Variants in GLS observed in about 807,000 individuals in gnomAD.
The protein encoded by GLS is glutaminase kidney isoform, mitochondrial.
In GLS, 36 loss-of-function variants were observed where a neutral mutation model predicts 86.7. The observed-to-expected ratio is 0.42, with a 90% CI of 0.32 to 0.55. The LOEUF is 0.55. GLS is among the 20% of genes least tolerant of loss of function. The pLI is 0.17. For missense variants in GLS, 528 were observed against 833.4 expected (o/e 0.63, Z 4.51); for synonymous variants, 317 against 305.9 (o/e 1.04, Z -0.38).
chr2:190,893,659 C>T (rs955513414), intron 1 of GLS, among the ~76,000 whole-genome samples: 1 of 152,158 alleles, frequency 6.6e-6, no homozygotes, highest in Non-Finnish European at 1.5e-5. Context: ...GATCTTGGCT[C>T]ACTGCAACCT....
At position 190,951,022 on chromosome 2, in the gene GLS, G is replaced by C. The variant is rs1050301994; in HGVS notation, c.1651-2543G>C. 1.3e-5 allele frequency among the ~76,000 whole-genome samples: 2 copies of C among 152,160 alleles called. No homozygotes were observed. The highest frequency in any genetic ancestry group is 4.8e-5 in the African/African-American group (2 of 41,414). ...GACTATCAAGTGGAGCTGTAGGACT[G>C]GAGCTTAGGAGAAAGATTTAGATTA... On this transcript the variant is annotated intron_variant, in intron 14 of 17. Coordinates refer to ENST00000320717, the MANE Select transcript of GLS (RefSeq NM_014905.5). This position sits in a 1 kb window ranked among gnomAD's most constrained non-coding sequence, Gnocchi z 4.2.
At chr2:190,941,362 A>G (rs1030870672) in intron 14 of GLS, among the ~76,000 whole-genome samples, 1 of 152,216 alleles carries the variant, frequency 6.6e-6, no homozygotes, top group Non-Finnish European at 1.5e-5. Flanking sequence ...ACTTTATGAG[A>G]CACAAATATG....
In GLS at chr2:190,954,461, A is replaced by T. The variant is rs957890937; in HGVS notation, c.1713-123A>T. 1.7e-5 allele frequency: 11 copies of T among 658,960 alleles called. No individual in the cohort carries two copies. Among genetic ancestry groups the T allele is most frequent in the Middle Eastern group, 6.2e-4 (2 of 3,230 alleles). 40.8% of individuals were successfully genotyped at this position (658,960 alleles called of 1,614,324 possible). A position where few individuals can be genotyped will look rare whatever the true frequency, so the allele number is the denominator to read the frequency against. On this transcript the variant is annotated intron_variant, in intron 15 of 17. Coordinates refer to ENST00000320717, the MANE Select transcript of GLS (RefSeq NM_014905.5). This position sits in a 1 kb window ranked among gnomAD's most constrained non-coding sequence, Gnocchi z 4.0. ...CTGGTTAATAAGGTCGGTAGTTCCC[A>T]TTAATGAGCTTGATGAAGGATGGCA...
chr2:190,894,370 A>AT, intron 1 of GLS, among the ~76,000 whole-genome samples: 1 of 152,052 alleles, frequency 6.6e-6, no homozygotes, highest in East Asian at 1.9e-4. Context: ...TTTTCTGAAT[A>AT]TTTTTTATCC....
intron 12 of GLS, among the ~76,000 whole-genome samples, chr2:190,929,723 G>A (rs1467133447): frequency 6.6e-6 from 1 of 152,030 alleles, no homozygotes; most frequent in Non-Finnish European, 1.5e-5. Flanking sequence ...GCCCACCTCG[G>A]CCTCCCAGAG....
At position 190,913,292 on chromosome 2, in the gene GLS, T is replaced by C; in HGVS notation, c.1038+2971T>C. ...AAGGAGAATTTGGACAGAAGGAGCCTGTTGCATAAATTCTTAACTACTAAG... is the reference window on the plus strand; with the variant it reads ...AAGGAGAATTTGGACAGAAGGAGCCCGTTGCATAAATTCTTAACTACTAAG... On this transcript the variant is annotated intron_variant, in intron 7 of 17. Transcript: ENST00000320717. The surrounding 1 kb of genome is among the most constrained non-coding windows in gnomAD (Gnocchi z 6.1). The C allele has an allele frequency of 7.8e-7, 1 of 1,282,698 alleles. No individual in the cohort carries two copies. 79.5% of individuals were successfully genotyped at this position (1,282,698 alleles called of 1,614,324 possible).
Position 190,954,642 on chromosome 2 carries a change from C to A in GLS, c.1771C>A (p.His591Asn). The A allele has an allele frequency of 6.2e-7, 1 of 1,611,806 alleles. No individual in the cohort carries two copies. The highest frequency in any genetic ancestry group is 8.5e-7 in the Non-Finnish European group (1 of 1,177,912). ...GGACTATGATTCTAGAACAGCACTC[C>A]ATGTAGCTGCTGCAGAGGGTAATAC... ...QRDYDSRTAL[H>N]VAAAEGHVEV... Residue 591 changes from histidine to asparagine, a missense_variant, in exon 16 of 18, where the codon CAT becomes AAT. This residue lies in a region of GLS where 163 missense variants were observed against 429.2 expected (regional missense o/e 0.38). Transcript: ENST00000320717. The surrounding 1 kb of genome is among the most constrained non-coding windows in gnomAD (Gnocchi z 4.0).
At chr2:190,918,914 T>A (rs1277457329) in intron 7 of GLS, among the ~76,000 whole-genome samples, 1 of 151,896 alleles carries the variant, frequency 6.6e-6, no homozygotes, top group Non-Finnish European at 1.5e-5. Context: ...TATACAACAT[T>A]TATAGGTTAA....
intron 11 of GLS, among the ~76,000 whole-genome samples, chr2:190,925,292 T>G (rs982899674): frequency 7.9e-5 from 12 of 152,328 alleles, no homozygotes; most frequent in Non-Finnish European, 1.5e-4. Flanking sequence ...TGACTTGGTA[T>G]CTTGTAATTT....
chr2:190,940,592 T>C (rs906014537), intron 14 of GLS, among the ~76,000 whole-genome samples: 8 of 152,062 alleles, frequency 5.3e-5, no homozygotes, highest in African/African-American at 1.7e-4. Context: ...TTGTAATAAG[T>C]GTAAATTTGT....
In GLS at chr2:190,953,531, T is replaced by G. The variant is rs534817651; in HGVS notation, c.1651-34T>G. 6.8e-7 allele frequency: 1 copy of G among 1,461,358 alleles called. No individual in the cohort carries two copies. Among genetic ancestry groups the G allele is most frequent in the South Asian group, 1.1e-5 (1 of 87,908 alleles). The allele number at this position is 1,461,358 out of a possible 1,614,324, so 90.5% of individuals were successfully genotyped here. ...GTGGACGTTGTATGTGTTTTCTCTC[T>G]CCTAAGGATGCCTAAACTTTCTTTT... On this transcript the variant is annotated intron_variant, in intron 14 of 17. Transcript: ENST00000320717. The surrounding 1 kb of genome is among the most constrained non-coding windows in gnomAD (Gnocchi z 4.0).
In GLS at chr2:190,890,163, A is replaced by T. The variant is rs1010917522; in HGVS notation, c.387-4989A>T. ...ATACTCTTAAAACAAAATTTTTTTT[A>T]AATTTAAAATTTAAATTAACATTTT... is the stretch of plus-strand genomic sequence containing the variant. On this transcript the variant is annotated intron_variant, in intron 1 of 17. Transcript: ENST00000320717. Among the ~76,000 whole-genome samples, 5 of 152,186 alleles carry T rather than the reference A, an allele frequency of 3.3e-5. No individual in the cohort carries two copies. In the East Asian group the frequency reaches 7.7e-4, roughly 23 times the overall value.
rs1349410765 is a variant in GLS, at chr2:190,913,335, A to G, written c.1038+3014A>G. 10 of 1,195,602 alleles carry G rather than the reference A, an allele frequency of 8.4e-6. No individual in the cohort carries two copies. The Admixed American group carries it at 1.4e-4, about 17-fold the overall frequency. The allele number at this position is 1,195,602 out of a possible 1,614,324, so 74.1% of individuals were successfully genotyped here. ...CTACTAAGCTTATAGGAAAACTCCA[A>G]TATTTAAAATTTTAAACAAAGCTAT... On this transcript the variant is annotated intron_variant, in intron 7 of 17. Transcript: ENST00000320717. This position sits in a 1 kb window ranked among gnomAD's most constrained non-coding sequence, Gnocchi z 6.1.
At chr2:190,904,970 T>A (rs755708689) in intron 5 of GLS, 34 bp from the exon 6 acceptor site, 2 of 1,246,960 alleles carry the variant, frequency 1.6e-6, no homozygotes, top group Non-Finnish European at 2.3e-6. Context: ...TTTTCCCAGT[T>A]GATGTTATTT....
At position 190,944,369 on chromosome 2, in the gene GLS, T is replaced by C. The variant is rs1008701005; in HGVS notation, c.1651-9196T>C. Among the ~76,000 whole-genome samples, 7 of 152,316 alleles carry C rather than the reference T, an allele frequency of 4.6e-5. No homozygotes were observed. In the South Asian group the frequency reaches 6.2e-4, roughly 14 times the overall value. ...CCTCTATCCTAACACACTAATGTAA[T>C]ATTCACTAATGTTCATGAACTTTTA... On this transcript the variant is annotated intron_variant, in intron 14 of 17. Transcript: ENST00000320717.
rs1690801930 is a variant in GLS, at chr2:190,954,282, A to G, written c.1713-302A>G. Among the ~76,000 whole-genome samples the G allele has an allele frequency of 6.6e-6, 1 of 152,096 alleles. No individual in the cohort carries two copies. Among genetic ancestry groups the G allele is most frequent in the Non-Finnish European group, 1.5e-5 (1 of 68,022 alleles). ...AGTTTCTTGCCCTTATGAGACATAA[A>G]CCTTGGTACACAGTTGTGCCATAAT... On this transcript the variant is annotated intron_variant, in intron 15 of 17. Coordinates refer to ENST00000320717, the MANE Select transcript of GLS (RefSeq NM_014905.5). This position sits in a 1 kb window ranked among gnomAD's most constrained non-coding sequence, Gnocchi z 4.0.
At chr2:190,948,976 C>T (rs936964681) in intron 14 of GLS, among the ~76,000 whole-genome samples, 5 of 152,058 alleles carry the variant, frequency 3.3e-5, no homozygotes, top group Non-Finnish European at 7.4e-5. Flanking sequence ...CAATAAGCTA[C>T]ATAGATAATG....
At chr2:190,922,686 C>A (rs1284350626) in intron 9 of GLS, among the ~76,000 whole-genome samples, 1 of 152,036 alleles carries the variant, frequency 6.6e-6, no homozygotes, top group Non-Finnish European at 1.5e-5. Context: ...AGTCATTTAT[C>A]TAAACTATGT....
At position 190,905,099 on chromosome 2, in the gene GLS, A is replaced by G. The variant is rs1689086334; in HGVS notation, c.911A>G (p.Tyr304Cys). The G allele has an allele frequency of 1.9e-6, 3 of 1,602,318 alleles. No homozygotes were observed. The highest frequency in any genetic ancestry group is 2.6e-6 in the Non-Finnish European group (3 of 1,169,560). The change falls in exon 6 of 18, where the codon TAT becomes TGT. Residue 304 changes from tyrosine (Y) to cysteine (C), a missense_variant. Physicochemically the swap from Tyr to Cys is radical, Grantham distance 194. Transcript: ENST00000320717. The surrounding 1 kb of genome is among the most constrained non-coding windows in gnomAD (Gnocchi z 4.6). ...GCTGTTAATGATCTTGGAACTGAAT[A>G]TGTGCATCGATATGTTGGAAAAGAG... Reference protein sequence around the residue: ...AIAVNDLGTEYVHRYVGKEPS... With the variant: ...AIAVNDLGTECVHRYVGKEPS...
Sources: gnomAD v4.1 joint callset for allele counts (sites outside exome capture counted in the v4.1 genomes callset) on GRCh38, gnomAD v4.1.1 for gene constraint, gnomAD v4.1.1 regional missense constraint, Gnocchi (gnomAD v3.1) non-coding constraint, MANE v1.5 for transcripts, NCBI Gene and HGNC (gene_info 2026-07-23, HGNC 2026-07-21) for gene names.